Variants in NFYC observed in about 807,000 individuals in gnomAD.
NFYC encodes the protein CAAT box DNA-binding protein subunit C.
A neutral mutation model predicts 53.1 loss-of-function variants in NFYC; 25 were observed. The ratio of observed to expected loss-of-function variants is 0.47; its 90% CI spans 0.34 to 0.66. NFYC has a LOEUF of 0.66. NFYC is among the 30% of genes least tolerant of loss of function. The pLI is 0.01. For missense variants in NFYC, 260 were observed against 422.7 expected (o/e 0.62, Z 3.38); for synonymous variants, 145 against 152.6 (o/e 0.95, Z 0.37).
chr1:40,747,548 G>A lies in NFYC; in HGVS notation c.120G>A (p.Val40=). The stretch of plus-strand genomic sequence containing the variant: ...GTTCATTTCAGAAAGACTTCCGAGT[G>A]CAGGAACTCCCACTGGCTCGTATTA... The part of the protein sequence containing the change: ...IRNLTVKDFR[V]QELPLARIKK... The change falls in exon 3 of 10, where the codon GTG becomes GTA. Residue 40 remains valine, a synonymous_variant. Transcript: ENST00000447388. The A allele has an allele frequency of 1.9e-6, 3 of 1,613,058 alleles. 1 individual carries two copies. In the South Asian group the frequency reaches 3.3e-5, roughly 18 times the overall value.
rs77395077 is a variant in NFYC at position 40,747,292 on chromosome 1, C to T, written c.106-242C>T. 6.1e-3 allele frequency among the ~76,000 whole-genome samples: 904 copies of T among 147,422 alleles called. 9 individuals carry two copies. The highest frequency in any genetic ancestry group is 0.022 in the African/African-American group (857 of 39,156). The stretch of plus-strand genomic sequence containing the variant: ...TGCTTGGGGCTGTGTTTCATGAGAG[C>T]ACTGTTAGAGGCCATCCTAAGCTTT... On this transcript the variant is annotated intron_variant, in intron 2 of 9. Coordinates refer to ENST00000447388, the MANE Select transcript of NFYC (RefSeq NM_014223.5).
At chr1:40,764,247 T>C (rs1182116065) in intron 7 of NFYC, among the ~76,000 whole-genome samples, 2 of 152,230 alleles carry the variant, frequency 1.3e-5, no homozygotes, top group African/African-American at 4.8e-5. Context: ...GTATAGAAAC[T>C]CACGTAGACT....
intron 1 of NFYC, among the ~76,000 whole-genome samples, chr1:40,702,658 A>T (rs185301788): frequency 4.7e-4 from 71 of 151,736 alleles, no homozygotes; most frequent in Middle Eastern, 3.4e-3. Context: ...CAGAACTTCT[A>T]TCAGATTATT....
At chr1:40,732,430 A>C (rs1644816091) in intron 1 of NFYC, among the ~76,000 whole-genome samples, 1 of 152,240 alleles carries the variant, frequency 6.6e-6, no homozygotes, top group African/African-American at 2.4e-5. Flanking sequence ...AGAGCTTGAA[A>C]GATTTCCAAA....
intron 6 of NFYC, 43 bp downstream of exon 6, chr1:40,758,337 C>T (rs759512225): frequency 1.3e-6 from 2 of 1,548,764 alleles, no homozygotes; most frequent in African/African-American, 1.4e-5. Flanking sequence ...AGACAGTGCC[C>T]CTTAGGTTTT....
rs185291611 is a variant in NFYC at position 40,744,673 on chromosome 1, T to C, written c.106-2861T>C. On this transcript the variant is annotated intron_variant, in intron 2 of 9. Transcript: ENST00000447388. ...AATGTTCTGAGAGATAATCTGCTCTTCTGCCTTACTGATAGAACTCCCAAA... is the reference window on the plus strand; with the variant it reads ...AATGTTCTGAGAGATAATCTGCTCTCCTGCCTTACTGATAGAACTCCCAAA... Among the ~76,000 whole-genome samples the C allele has an allele frequency of 2.1e-3, 317 of 152,340 alleles. 3 individuals are homozygous for C. Among genetic ancestry groups the C allele is most frequent in the African/African-American group, 7.1e-3 (297 of 41,578 alleles).
intron 1 of NFYC, among the ~76,000 whole-genome samples, chr1:40,737,715 G>C (rs1024175897): frequency 5.9e-5 from 9 of 152,036 alleles, no homozygotes; most frequent in Non-Finnish European, 1.3e-4. Context: ...GTTAAGGTTA[G>C]GAAAGAACTG....
chr1:40,707,044 C>T (rs1643725847), intron 1 of NFYC, among the ~76,000 whole-genome samples: 1 of 151,888 alleles, frequency 6.6e-6, no homozygotes, highest in Admixed American at 6.6e-5. Flanking sequence ...GTGGTGGGCA[C>T]CTGTAATCCT....
intron 1 of NFYC, among the ~76,000 whole-genome samples, chr1:40,727,217 TTGG>T (rs1644557602): frequency 2.0e-5 from 3 of 151,812 alleles, no homozygotes; most frequent in Admixed American, 1.3e-4. Flanking sequence ...GTTTGTTTGG[TTGG>T]TTGGTTGGTT....
At position 40,691,745 on chromosome 1, in the gene NFYC, C is replaced by G. The variant is rs1373648495; in HGVS notation, c.-131C>G. Reference sequence around the variant, plus strand: ...CCATCTTGCTTGTGCCCCCGCTTCGCGCGCGCTCCGTTCTCCGTGACGCAC... The same window carrying G: ...CCATCTTGCTTGTGCCCCCGCTTCGGGCGCGCTCCGTTCTCCGTGACGCAC... On this transcript the variant is annotated 5_prime_UTR_variant, in exon 1 of 10. Transcript: ENST00000447388. 2.2e-6 allele frequency: 1 copy of G among 455,330 alleles called. No homozygotes were observed. The highest frequency in any genetic ancestry group is 2.0e-5 in the African/African-American group (1 of 49,914). 28.2% of individuals were successfully genotyped at this position (455,330 alleles called of 1,614,324 possible). A position where few individuals can be genotyped will look rare whatever the true frequency, so the allele number is the denominator to read the frequency against.
In NFYC at chr1:40,696,126, C is replaced by G. The variant is rs12035915; in HGVS notation, c.-9+4259C>G. Among the ~76,000 whole-genome samples, 461 of 150,134 alleles carry G rather than the reference C, an allele frequency of 3.1e-3. 12 individuals carry two copies. In the East Asian group the frequency reaches 0.058, roughly 19 times the overall value. Reference sequence around the variant, plus strand: ...GCAACCTCTGCCTCCCAGGTTCAAGCGATTCTCTTGCCTCAGCCTCCTGAG... The same window carrying G: ...GCAACCTCTGCCTCCCAGGTTCAAGGGATTCTCTTGCCTCAGCCTCCTGAG... On this transcript the variant is annotated intron_variant, in intron 1 of 9. Transcript: ENST00000447388.
At chr1:40,700,806 T>C (rs879686430) in intron 1 of NFYC, among the ~76,000 whole-genome samples, 34 of 152,220 alleles carry the variant, frequency 2.2e-4, no homozygotes, top group Middle Eastern at 3.4e-3. Flanking sequence ...AGGCTGGTCT[T>C]GAACTCAGTG....
At chr1:40,736,578 G>T (rs1400225510) in intron 1 of NFYC, among the ~76,000 whole-genome samples, 1 of 152,132 alleles carries the variant, frequency 6.6e-6, no homozygotes, top group Non-Finnish European at 1.5e-5. Context: ...CCTCAGAATA[G>T]AGATTCTTAG....
chr1:40,758,122 A>T lies in NFYC; in HGVS notation c.389A>T (p.Glu130Val). 6.2e-7 allele frequency: 1 copy of T among 1,611,776 alleles called. No individual in the cohort carries two copies. The highest frequency in any genetic ancestry group is 8.5e-7 in the Non-Finnish European group (1 of 1,179,816). Residue 130 changes from glutamate (E) to valine (V), a missense_variant and splice_region_variant, in exon 6 of 10, where the codon GAG becomes GTG. Glu to Val is a moderately radical substitution (Grantham distance 121). Coordinates refer to ENST00000447388, the MANE Select transcript of NFYC (RefSeq NM_014223.5). ...CCTGCCTCTCTTTCCACCCAACAGG[A>T]GGAGGTGCGCCAGTCTGTAACTCCT... ...RDELKPPKRQ[E>V]EVRQSVTPAE...
chr1:40,707,907 CTCT>C (rs1643797818), intron 1 of NFYC, among the ~76,000 whole-genome samples: 1 of 150,332 alleles, frequency 6.7e-6, no homozygotes, highest in Non-Finnish European at 1.5e-5. Flanking sequence ...GAATGTCAAA[CTCT>C]GTGACTGCCC....
At chr1:40,707,539 C>T (rs694648) in intron 1 of NFYC, among the ~76,000 whole-genome samples, 18,312 of 150,664 alleles carry the variant, frequency 0.12, 1,245 homozygotes, top group African/African-American at 0.15. Flanking sequence ...CACAGTGGCT[C>T]ACGCCTGTAA....
intron 8 of NFYC, 107 bp downstream of exon 8, chr1:40,766,810 C>T (rs936216187): frequency 1.4e-6 from 2 of 1,479,172 alleles, no homozygotes; most frequent in Admixed American, 1.9e-5. Flanking sequence ...CATCCTTCAA[C>T]CAGAAGCACC....
chr1:40,713,609 A>T (rs1644016874), intron 1 of NFYC, among the ~76,000 whole-genome samples: 1 of 152,204 alleles, frequency 6.6e-6, no homozygotes, highest in Admixed American at 6.5e-5. Flanking sequence ...AATTAGGCTG[A>T]TGGGAATCAC....
chr1:40,710,464 A>G (rs992905453), intron 1 of NFYC, among the ~76,000 whole-genome samples: 1 of 152,226 alleles, frequency 6.6e-6, no homozygotes, highest in African/African-American at 2.4e-5. Flanking sequence ...GTAGGTTGCT[A>G]ATCAGTAACC....
Sources: gnomAD v4.1 joint callset for allele counts (sites outside exome capture counted in the v4.1 genomes callset) on GRCh38, gnomAD v4.1.1 for gene constraint, MANE v1.5 for transcripts, NCBI Gene and HGNC (gene_info 2026-07-23, HGNC 2026-07-21) for gene names.